Variants in RBM26 observed in about 807,000 individuals in gnomAD.
The protein encoded by RBM26 is RNA binding motif protein 26, also known as RNA-binding protein 26.
In RBM26, 30 loss-of-function variants were observed where a neutral mutation model predicts 123.6. That is an observed-to-expected ratio of 0.24 (90% CI 0.18 to 0.33). The LOEUF (loss-of-function observed/expected upper bound fraction) is 0.33, where lower values mean the gene tolerates loss of function less well. Among genes scored for constraint, RBM26 ranks in the 10% least tolerant of loss-of-function variants. The pLI, the probability that RBM26 is intolerant of heterozygous loss-of-function variation, is 1.00. For synonymous variants in RBM26, 400 were observed against 404.4 expected, an observed-to-expected ratio of 0.99 and a Z score of 0.13; for missense variants, 947 against 1,203.6, an observed-to-expected ratio of 0.79 and a Z score of 3.15.
At chr13:79,337,370 T>TG in intron 18 of RBM26, 68 bp from the exon 19 acceptor site, 1 of 1,542,094 alleles carries the variant, frequency 6.5e-7, no homozygotes. Flanking sequence ...CATTACACTC[T>TG]GGCAGATGAA....
intron 9 of RBM26, among the ~76,000 whole-genome samples, chr13:79,363,079 C>T (rs1205504005): frequency 6.6e-6 from 1 of 152,088 alleles, no homozygotes; most frequent in African/African-American, 2.4e-5. Context: ...AGTTTTCCAC[C>T]TCCTTAGAAC....
intron 20 of RBM26, among the ~76,000 whole-genome samples, chr13:79,329,608 T>C (rs1451214287): frequency 2.0e-5 from 3 of 152,116 alleles, no homozygotes; most frequent in Non-Finnish European, 4.4e-5. Flanking sequence ...AGCCAACCTG[T>C]AGTCTCCTGG....
downstream of RBM26, chr13:79,313,900 T>C (rs1359486832): frequency 6.9e-6 from 1 of 145,960 alleles, no homozygotes; most frequent in Non-Finnish European, 1.5e-5. Flanking sequence ...GTGATAAAGG[T>C]AGTATGGCTG....
chr13:79,397,451 G>A (rs1052719736), intron 1 of RBM26, among the ~76,000 whole-genome samples: 41 of 151,662 alleles, frequency 2.7e-4, no homozygotes, highest in Admixed American at 7.9e-4. Flanking sequence ...TGAGGCAGGC[G>A]GATCATGAGG....
chr13:79,388,389 C>T (rs961527674), intron 1 of RBM26, among the ~76,000 whole-genome samples: 2 of 152,228 alleles, frequency 1.3e-5, no homozygotes, highest in African/African-American at 4.8e-5. Context: ...AGCCACCTCG[C>T]CCAGCAAGCA....
chr13:79,352,144 C>T (rs972942387), intron 14 of RBM26, among the ~76,000 whole-genome samples: 2 of 152,248 alleles, frequency 1.3e-5, no homozygotes, highest in East Asian at 3.9e-4. Context: ...ATACCTAAAA[C>T]TGCCAAAGTT....
chr13:79,329,096 CAT>C (rs2068889630), intron 20 of RBM26, among the ~76,000 whole-genome samples: 1 of 151,996 alleles, frequency 6.6e-6, no homozygotes, highest in South Asian at 2.1e-4. Context: ...CGTTCACCCA[CAT>C]GTTGGTGTCA....
rs2071627238 is a variant in RBM26 at position 79,342,756 on chromosome 13, C to G, written c.2335G>C (p.Val779Leu). The change falls in exon 17 of 22, where the codon GTT (valine) becomes CTT (leucine). Residue 779 changes from valine to leucine, a missense_variant. Physicochemically the swap from Val to Leu is conservative, Grantham distance 32. Around this residue, in one of 5 missense-constraint regions of RBM26, gnomAD observed 493 missense variants for 563.1 expected, o/e 0.88. Coordinates refer to ENST00000438737, the MANE Select transcript of RBM26 (RefSeq NM_001366735.2). Reference sequence around the variant, plus strand: ...AACTTGGTAATATTTTTTGTCAAAACCTCTAAAGTTTTCATTATTTCTGCT... The same window carrying G: ...AACTTGGTAATATTTTTTGTCAAAAGCTCTAAAGTTTTCATTATTTCTGCT... ...DKAEIMKTLE[V>L]LTKNITKLKD... 2.5e-6 allele frequency: 4 copies of G among 1,610,896 alleles called. No individual in the cohort carries two copies. Among genetic ancestry groups the G allele is most frequent in the Non-Finnish European group, 8.5e-7 (1 of 1,177,708 alleles).
chr13:79,323,453 C>A (rs1271524017), intron 20 of RBM26, among the ~76,000 whole-genome samples: 1 of 151,518 alleles, frequency 6.6e-6, no homozygotes, highest in Non-Finnish European at 1.5e-5. Flanking sequence ...ATTTTTGTCA[C>A]AATGTCATAC....
At chr13:79,339,395 G>A (rs1433212282) in intron 18 of RBM26, among the ~76,000 whole-genome samples, 1 of 152,184 alleles carries the variant, frequency 6.6e-6, no homozygotes, top group East Asian at 1.9e-4. Context: ...CTTGAAAATT[G>A]CTGAGAGAGT....
At chr13:79,399,848 T>C (rs2078914015) in intron 1 of RBM26, among the ~76,000 whole-genome samples, 1 of 152,100 alleles carries the variant, frequency 6.6e-6, no homozygotes, top group Non-Finnish European at 1.5e-5. Flanking sequence ...CAGCATAATT[T>C]GGAGAAATGA....
At chr13:79,328,663 C>T (rs756135067) in intron 20 of RBM26, among the ~76,000 whole-genome samples, 91 of 35,640 alleles carry the variant, frequency 2.6e-3, no homozygotes, top group Admixed American at 4.1e-3. Context: ...TCCAAATATA[C>T]AAAGAGCCCC....
chr13:79,401,298 G>T (rs1164052645), intron 1 of RBM26, among the ~76,000 whole-genome samples: 1 of 152,168 alleles, frequency 6.6e-6, no homozygotes, highest in Non-Finnish European at 1.5e-5. Context: ...CGATGCTTTA[G>T]AACTTTGTTC....
chr13:79,316,821 A>T (rs78252980), downstream of RBM26, among the ~76,000 whole-genome samples: 1 of 151,566 alleles, frequency 6.6e-6, no homozygotes, highest in Non-Finnish European at 1.5e-5. Context: ...ACGTTCCTCA[A>T]TTTTTTCCTG....
At chr13:79,348,313 A>C (rs761102366) in intron 14 of RBM26, among the ~76,000 whole-genome samples, 4 of 152,066 alleles carry the variant, frequency 2.6e-5, no homozygotes, top group South Asian at 4.1e-4. Context: ...TATAGCACTA[A>C]TACCTCTTAT....
At chr13:79,349,322 G>A (rs896456494) in intron 14 of RBM26, among the ~76,000 whole-genome samples, 11 of 151,972 alleles carry the variant, frequency 7.2e-5, no homozygotes, top group African/African-American at 2.2e-4. Flanking sequence ...TATATCTTTT[G>A]ACCAACATTT....
chr13:79,402,144 T>A (rs1258963268), intron 1 of RBM26, among the ~76,000 whole-genome samples: 3 of 152,118 alleles, frequency 2.0e-5, no homozygotes, highest in African/African-American at 7.2e-5. Context: ...GAGCTTAATT[T>A]TTTTTTCAGG....
chr13:79,379,038 G>A, intron 1 of RBM26, 131 bp from the exon 2 acceptor site: 1 of 616,224 alleles, frequency 1.6e-6, no homozygotes, highest in South Asian at 2.1e-5. Flanking sequence ...GGTCACAGAG[G>A]ACCTTGAAGA....
intron 12 of RBM26, among the ~76,000 whole-genome samples, 172 bp downstream of exon 12, chr13:79,355,048 G>A (rs9530900): frequency 0.5 from 76,759 of 152,002 alleles, 19,783 homozygotes; most frequent in Middle Eastern, 0.6. Flanking sequence ...AATTATGAGA[G>A]AACAGGTTAG....
Sources: allele counts gnomAD v4.1 joint callset (sites outside exome capture counted in the v4.1 genomes callset), GRCh38; gene constraint gnomAD v4.1.1; regional missense constraint gnomAD v4.1.1; transcripts MANE v1.5; gene names NCBI Gene and HGNC (gene_info 2026-07-23, HGNC 2026-07-21).